SHISA6: variants seen among roughly 807,000 people sequenced by gnomAD.
SHISA6 encodes the protein protein shisa-6.
In SHISA6, 22 loss-of-function variants were observed where a neutral mutation model predicts 47.9. The ratio of observed to expected loss-of-function variants is 0.46; its 90% CI spans 0.33 to 0.66. The LOEUF is 0.66. Among genes scored for constraint, SHISA6 ranks in the 30% least tolerant of loss-of-function variants. The pLI, the probability that SHISA6 is intolerant of heterozygous loss-of-function variation, is 0.02. For missense variants in SHISA6, 680 were observed against 764.6 expected (o/e 0.89, Z 1.30); for synonymous variants, 388 against 337.8 (o/e 1.15, Z -1.63).
At chr17:11,318,844 T>G (rs1022420649) in intron 2 of SHISA6, among the ~76,000 whole-genome samples, 1 of 152,184 alleles carries the variant, frequency 6.6e-6, no homozygotes, top group South Asian at 2.1e-4. Flanking sequence ...GGATTTTTTT[T>G]CATTCCGTCC....
chr17:11,243,942 C>T (rs1011790306), intron 1 of SHISA6, among the ~76,000 whole-genome samples: 6 of 152,196 alleles, frequency 3.9e-5, no homozygotes, highest in Non-Finnish European at 7.3e-5. Context: ...TATTCGTCAT[C>T]GCCTGGGATG....
At chr17:11,304,337 T>G (rs144367466) in intron 2 of SHISA6, among the ~76,000 whole-genome samples, 377 of 152,276 alleles carry the variant, frequency 2.5e-3, no homozygotes, top group African/African-American at 8.5e-3. Flanking sequence ...ACACAGCATC[T>G]CACGTCCTAG....
chr17:11,286,659 G>C (rs866350174), intron 2 of SHISA6, among the ~76,000 whole-genome samples: 1 of 152,210 alleles, frequency 6.6e-6, no homozygotes, highest in Non-Finnish European at 1.5e-5. Context: ...ACTAACTTCA[G>C]TTTCTCTCCA....
At chr17:11,510,878 G>A (rs942729017) in intron 3 of SHISA6, among the ~76,000 whole-genome samples, 5 of 152,308 alleles carry the variant, frequency 3.3e-5, no homozygotes, top group Middle Eastern at 3.4e-3. Context: ...AGCATCGTTT[G>A]TAGCTAAGGA....
intron 3 of SHISA6, among the ~76,000 whole-genome samples, chr17:11,500,188 C>T (rs1263098730): frequency 6.6e-6 from 1 of 152,202 alleles, no homozygotes; most frequent in East Asian, 1.9e-4. Flanking sequence ...TTCCCTGCTG[C>T]TCTCCATCCT....
In SHISA6 at chr17:11,287,264, G is replaced by A. The variant is rs1484567279; in HGVS notation, c.799+23738G>A. ...AGGAAGGAAGGAGGGAGGGAAGGAAGGAAGCAAGGAAGGAAGGAAGGAAAG... is the reference window on the plus strand; with the variant it reads ...AGGAAGGAAGGAGGGAGGGAAGGAAAGAAGCAAGGAAGGAAGGAAGGAAAG... On this transcript the variant is annotated intron_variant, in intron 2 of 5. Coordinates refer to ENST00000441885, the MANE Select transcript of SHISA6 (RefSeq NM_207386.4). Among the ~76,000 whole-genome samples, 4 of 147,878 alleles carry A rather than the reference G, an allele frequency of 2.7e-5. No homozygotes were observed. The East Asian group carries it at 5.9e-4, about 22-fold the overall frequency.
intron 3 of SHISA6, among the ~76,000 whole-genome samples, chr17:11,432,049 A>G (rs1185564725): frequency 6.6e-6 from 1 of 152,212 alleles, no homozygotes; most frequent in East Asian, 1.9e-4. Context: ...AGAGGGAACA[A>G]AAAGATTCAA....
chr17:11,512,421 C>T (rs2071548626), intron 3 of SHISA6, among the ~76,000 whole-genome samples: 1 of 152,226 alleles, frequency 6.6e-6, no homozygotes. Context: ...TTCTTCCACT[C>T]TCTGTGGTGA....
chr17:11,501,946 G>A (rs1392149213), intron 3 of SHISA6, among the ~76,000 whole-genome samples: 2 of 152,098 alleles, frequency 1.3e-5, no homozygotes, highest in Non-Finnish European at 2.9e-5. Flanking sequence ...GCTAGGAAGG[G>A]GACAATTCCT....
chr17:11,352,529 G>A (rs1334397812), intron 2 of SHISA6, among the ~76,000 whole-genome samples: 1 of 152,214 alleles, frequency 6.6e-6, no homozygotes, highest in African/African-American at 2.4e-5. Context: ...TTTACAGTGT[G>A]AGCTTTCAGC....
At chr17:11,500,159 T>A (rs1279146717) in intron 3 of SHISA6, among the ~76,000 whole-genome samples, 1 of 152,200 alleles carries the variant, frequency 6.6e-6, no homozygotes, top group Non-Finnish European at 1.5e-5. Context: ...TCTGACCTCC[T>A]GCCATATGTA....
chr17:11,458,331 T>C (rs1915603137), intron 3 of SHISA6, among the ~76,000 whole-genome samples: 1 of 152,150 alleles, frequency 6.6e-6, no homozygotes, highest in Non-Finnish European at 1.5e-5. Flanking sequence ...GTTGGTGGGC[T>C]CTGATAGTAA....
intron 3 of SHISA6, among the ~76,000 whole-genome samples, chr17:11,534,736 C>T (rs1467742761): frequency 6.6e-6 from 1 of 152,118 alleles, no homozygotes; most frequent in Admixed American, 6.6e-5. Flanking sequence ...TGGGAAAAGA[C>T]ATTCCAGGGA....
At chr17:11,464,498 CT>C (rs1915763342) in intron 3 of SHISA6, among the ~76,000 whole-genome samples, 2 of 152,152 alleles carry the variant, frequency 1.3e-5, no homozygotes. Flanking sequence ...CTGGTGACAG[CT>C]TTCTTGTCCA....
At chr17:11,400,524 A>G (rs1442518633) in intron 3 of SHISA6, among the ~76,000 whole-genome samples, 1 of 151,956 alleles carries the variant, frequency 6.6e-6, no homozygotes, top group African/African-American at 2.4e-5. Context: ...GCTTCTGTCA[A>G]CTCATTTCCA....
intron 2 of SHISA6, among the ~76,000 whole-genome samples, chr17:11,315,519 T>C (rs1474868709): frequency 6.6e-6 from 1 of 152,188 alleles, no homozygotes; most frequent in African/African-American, 2.4e-5. Flanking sequence ...CTGGGACACA[T>C]CACTTAGTTA....
rs111938732 is a variant in SHISA6, at chr17:11,411,093, T to C, written c.895+31584T>C. On this transcript the variant is annotated intron_variant, in intron 3 of 5. Transcript: ENST00000441885. ...ATGCCATTCTCCTGCCTCAGCCTCC[T>C]GAGTAGCTGGGACTACAGGCGCCTG... Among the ~76,000 whole-genome samples, 4 of 151,910 alleles carry C rather than the reference T, an allele frequency of 2.6e-5. 1 individual carries two copies. Among genetic ancestry groups the C allele is most frequent in the South Asian group, 4.2e-4 (2 of 4,810 alleles).
chr17:11,333,354 G>T (rs577886988), intron 2 of SHISA6, among the ~76,000 whole-genome samples: 4 of 152,226 alleles, frequency 2.6e-5, no homozygotes, highest in African/African-American at 9.6e-5. Flanking sequence ...GCTCCAGCGT[G>T]GGGCAGTTGC....
At chr17:11,499,368 T>TA (rs1279909521) in intron 3 of SHISA6, among the ~76,000 whole-genome samples, 32 of 152,226 alleles carry the variant, frequency 2.1e-4, no homozygotes, top group Non-Finnish European at 3.2e-4. Flanking sequence ...CAGGACGTTT[T>TA]ATCCTCTATG....
Sources: gnomAD v4.1 joint callset for allele counts (sites outside exome capture counted in the v4.1 genomes callset) on GRCh38, gnomAD v4.1.1 for gene constraint, MANE v1.5 for transcripts, NCBI Gene and HGNC (gene_info 2026-07-23, HGNC 2026-07-21) for gene names.